Variants in HACL1 observed in about 807,000 individuals in gnomAD.
The protein encoded by HACL1 is 2-hydroxyacyl-CoA lyase 1, also known as 1600020H07Rik.
Under a neutral mutation model 74.2 loss-of-function variants are expected in HACL1, and 64 were observed. The observed-to-expected ratio is 0.86, with a 90% CI of 0.70 to 1.06. HACL1 has a LOEUF of 1.06. HACL1 is among the 50% of genes least tolerant of loss of function. HACL1 has a pLI of 0.00. For synonymous variants in HACL1, 230 were observed against 238.8 expected (o/e 0.96, Z 0.34); for missense variants, 728 against 719.7 (o/e 1.01, Z -0.13).
intron 3 of HACL1, 71 bp downstream of exon 3, chr3:15,596,313 T>C: frequency 1.2e-6 from 1 of 801,308 alleles, no homozygotes; most frequent in Non-Finnish European, 2.2e-6. Context: ...GAACTCATCC[T>C]TCAGCTGAAA....
At chr3:15,590,938 G>A (rs889349180) in intron 4 of HACL1, among the ~76,000 whole-genome samples, 4 of 152,088 alleles carry the variant, frequency 2.6e-5, no homozygotes, top group Admixed American at 6.5e-5. Flanking sequence ...AAAATTAGCC[G>A]GGCGTGGTGG....
intron 16 of HACL1, among the ~76,000 whole-genome samples, chr3:15,562,629 A>G (rs2063362619): frequency 1.3e-5 from 2 of 152,210 alleles, no homozygotes; most frequent in Admixed American, 1.3e-4. Context: ...GTTCGCACGG[A>G]AGACAGGTTA....
chr3:15,580,015 A>C lies in HACL1; in HGVS notation c.698T>G (p.Ile233Ser). 6.2e-7 allele frequency: 1 copy of C among 1,612,048 alleles called. No individual in the cohort carries two copies. Among genetic ancestry groups the C allele is most frequent in the Non-Finnish European group, 8.5e-7 (1 of 1,178,216 alleles). ...TTTATATTGCTCCACCAATTTCTTGATACTCTCTTCTGCATGAGCGTAAGC... is the reference window on the plus strand; with the variant it reads ...TTTATATTGCTCCACCAATTTCTTGCTACTCTCTTCTGCATGAGCGTAAGC... ...GAAYAHAEESIKKLVEQYKLP... is the reference protein window; with the variant it reads ...GAAYAHAEESSKKLVEQYKLP... Residue 233 changes from isoleucine to serine, a missense_variant, in exon 9 of 17, where the codon ATC becomes AGC. Transcript: ENST00000321169.
chr3:15,585,267 C>T lies in HACL1; in HGVS notation c.535G>A (p.Val179Met). The T allele has an allele frequency of 5.7e-6, 9 of 1,573,892 alleles. No individual in the cohort carries two copies. Among genetic ancestry groups the T allele is most frequent in the Non-Finnish European group, 6.1e-6 (7 of 1,143,512 alleles). Residue 179 changes from valine (V) to methionine (M), a missense_variant, in exon 7 of 17, where the codon GTG becomes ATG. By Grantham distance (21) the Val-to-Met change is conservative (BLOSUM62 1). Coordinates refer to ENST00000321169, the MANE Select transcript of HACL1 (RefSeq NM_012260.4). ...DIPADFVNLQ[V>M]NVNSIKYMER... The stretch of plus-strand genomic sequence containing the variant: ...ACTCACTTTATAGAATTCACATTCA[C>T]CTGAAGGTTCACAAAATCTGCTGGT...
At chr3:15,585,880 A>G (rs531310041) in intron 6 of HACL1, among the ~76,000 whole-genome samples, 88 of 152,278 alleles carry the variant, frequency 5.8e-4, no homozygotes, top group Non-Finnish European at 1.1e-3. Context: ...ACAGGTGGAA[A>G]ATTCCATATC....
At chr3:15,572,134 C>T (rs1305731612) in intron 11 of HACL1, among the ~76,000 whole-genome samples, 1 of 152,094 alleles carries the variant, frequency 6.6e-6, no homozygotes, top group Non-Finnish European at 1.5e-5. Flanking sequence ...GCCACCATGC[C>T]CAGTCTGCTT....
intron 14 of HACL1, 139 bp from the exon 15 acceptor site, chr3:15,564,797 A>G (rs1160212548): frequency 1.8e-6 from 1 of 544,562 alleles, no homozygotes; most frequent in African/African-American, 1.9e-5. Flanking sequence ...AAAATCAAGC[A>G]TTTATTATCC....
At chr3:15,573,929 T>C (rs2063578474) in intron 10 of HACL1, among the ~76,000 whole-genome samples, 1 of 152,118 alleles carries the variant, frequency 6.6e-6, no homozygotes, top group Admixed American at 6.5e-5. Flanking sequence ...AATCAAGAGG[T>C]ATTGGCATCT....
At chr3:15,573,851 G>A (rs1465142014) in intron 10 of HACL1, among the ~76,000 whole-genome samples, 1 of 152,190 alleles carries the variant, frequency 6.6e-6, no homozygotes, top group Non-Finnish European at 1.5e-5. Context: ...GACAAATGAT[G>A]GCTTCTGCAA....
intron 14 of HACL1, among the ~76,000 whole-genome samples, chr3:15,566,308 T>G (rs534298935): frequency 2.7e-4 from 41 of 152,328 alleles, no homozygotes; most frequent in Non-Finnish European, 5.1e-4. Context: ...CCATGAATTC[T>G]CATAACTACA....
chr3:15,593,999 T>C (rs1460321380), intron 3 of HACL1, among the ~76,000 whole-genome samples: 1 of 151,510 alleles, frequency 6.6e-6, no homozygotes, highest in Non-Finnish European at 1.5e-5. Flanking sequence ...GGTTTCACCA[T>C]GTTTGGCCAG....
chr3:15,569,325 C>T (rs1354646100), intron 12 of HACL1, among the ~76,000 whole-genome samples: 1 of 152,220 alleles, frequency 6.6e-6, no homozygotes, highest in Non-Finnish European at 1.5e-5. Context: ...CAAGTCCCTT[C>T]TATCTTAAAC....
intron 16 of HACL1, among the ~76,000 whole-genome samples, chr3:15,561,496 T>C (rs1046322335): frequency 6.6e-6 from 1 of 152,138 alleles, no homozygotes; most frequent in African/African-American, 2.4e-5. Flanking sequence ...ATAATCCTCA[T>C]AGAATTGTAA....
intron 8 of HACL1, among the ~76,000 whole-genome samples, chr3:15,581,686 A>G (rs2063717775): frequency 6.6e-6 from 1 of 152,098 alleles, no homozygotes; most frequent in Non-Finnish European, 1.5e-5. Context: ...ACACAAGCAA[A>G]TTGTTGCTGC....
chr3:15,561,320 G>A (rs976110857), intron 16 of HACL1, among the ~76,000 whole-genome samples: 1 of 152,172 alleles, frequency 6.6e-6, no homozygotes, highest in African/African-American at 2.4e-5. Flanking sequence ...ACAGATATAG[G>A]CATTCCCATA....
chr3:15,567,205 CCTT>C (rs1291631805), intron 14 of HACL1, among the ~76,000 whole-genome samples: 1 of 119,018 alleles, frequency 8.4e-6, no homozygotes, highest in Non-Finnish European at 1.7e-5. Context: ...AGCCATGCTG[CCTT>C]TTTTTTTTTT....
chr3:15,575,172 C>T, intron 9 of HACL1, 90 bp from the exon 10 acceptor site: 1 of 676,608 alleles, frequency 1.5e-6, no homozygotes, highest in East Asian at 2.7e-5. Context: ...AAGTCTAAAT[C>T]ATTTGGAGCT....
intron 11 of HACL1, 150 bp downstream of exon 11, chr3:15,573,009 T>C: frequency 1.8e-6 from 1 of 548,972 alleles, no homozygotes; most frequent in South Asian, 2.5e-5. Context: ...AGTTCCAAAG[T>C]TGTATTTAAG....
At position 15,571,277 on chromosome 3, in the gene HACL1, C is replaced by T. The variant is rs79464764; in HGVS notation, c.1095+391G>A. On this transcript the variant is annotated intron_variant, in intron 12 of 16. Transcript: ENST00000321169. ...GGTGTTTAATTGTGATGTTCTATGC[C>T]ACCATCAAACTGAAGGCACACCCAT... 1.7e-3 allele frequency among the ~76,000 whole-genome samples: 255 copies of T among 152,184 alleles called. 2 individuals carry two copies. In the East Asian group the frequency reaches 0.035, roughly 21 times the overall value.
Sources: allele counts gnomAD v4.1 joint callset (sites outside exome capture counted in the v4.1 genomes callset), GRCh38; gene constraint gnomAD v4.1.1; transcripts MANE v1.5; gene names NCBI Gene and HGNC (gene_info 2026-07-23, HGNC 2026-07-21).